CIROZ: variants seen among roughly 807,000 people sequenced by gnomAD.
CIROZ encodes ciliated left-right organizer ZP-N domains-containing protein.
the CIROZ span, chr1:10,947,838 G>A: frequency 6.2e-7 from 1 of 1,602,064 alleles, no homozygotes; most frequent in African/African-American, 1.3e-5. Flanking sequence ...CACTCCTGTG[G>A]GAGCCCACAG....
At chr1:10,954,843 T>G in the CIROZ span, 1 of 837,048 alleles carries the variant, frequency 1.2e-6, no homozygotes, top group Non-Finnish European at 1.8e-6. Context: ...CGCTCCGGCC[T>G]CGGCTTCCCA....
At chr1:10,973,645 G>A in the CIROZ span, among the ~76,000 whole-genome samples, 11 of 152,142 alleles carry the variant, frequency 7.2e-5, no homozygotes, top group East Asian at 1.9e-4. Flanking sequence ...GGCTGGGGTC[G>A]AACACTCTAT....
At chr1:10,955,645 C>A in the CIROZ span, among the ~76,000 whole-genome samples, 1 of 151,946 alleles carries the variant, frequency 6.6e-6, no homozygotes, top group African/African-American at 2.4e-5. Flanking sequence ...GATTTCAAGA[C>A]CAGCCTGGCC....
At chr1:10,973,726 A>T in the CIROZ span, among the ~76,000 whole-genome samples, 1 of 152,024 alleles carries the variant, frequency 6.6e-6, no homozygotes, top group African/African-American at 2.4e-5. Context: ...AACCTCCCAA[A>T]CCGCAGCTGC....
chr1:10,956,215 T>C, the CIROZ span, among the ~76,000 whole-genome samples: 25 of 152,140 alleles, frequency 1.6e-4, no homozygotes, highest in Admixed American at 2.6e-4. Context: ...TCCCTGGAGG[T>C]AGGAAGTGGT....
chr1:10,954,916 T>C, the CIROZ span: 1 of 1,455,248 alleles, frequency 6.9e-7, no homozygotes, highest in Non-Finnish European at 9.3e-7. Flanking sequence ...TCTGACCACA[T>C]ATGGCATCGG....
At chr1:10,949,938 G>T in the CIROZ span, 1 of 826,316 alleles carries the variant, frequency 1.2e-6, no homozygotes, top group East Asian at 2.8e-5. Flanking sequence ...GGGGAGGTCA[G>T]ATGCAAGTCC....
At chr1:10,959,800 C>A in the CIROZ span, among the ~76,000 whole-genome samples, 1 of 152,230 alleles carries the variant, frequency 6.6e-6, no homozygotes, top group Non-Finnish European at 1.5e-5. This position sits in a 1 kb window ranked among gnomAD's most constrained non-coding sequence, Gnocchi z 4.3. Context: ...TGTTCCTTGG[C>A]CCCAGAGAGC....
chr1:10,965,988 C>G, the CIROZ span, among the ~76,000 whole-genome samples: 4 of 152,146 alleles, frequency 2.6e-5, no homozygotes, highest in African/African-American at 9.7e-5. Flanking sequence ...TTACTGAGTA[C>G]CTACTGTGTG....
At chr1:10,955,102 TCCTCAATGTAGGAA>T in the CIROZ span, 2 of 1,614,112 alleles carry the variant, frequency 1.2e-6, no homozygotes, top group Non-Finnish European at 1.7e-6. Context: ...GCTCAGGGTT[TCCTCAATGTAGGAA>T]CCTCTTTTGA....
the CIROZ span, among the ~76,000 whole-genome samples, chr1:10,980,481 AT>A: frequency 8.5e-5 from 13 of 152,222 alleles, no homozygotes; most frequent in African/African-American, 3.1e-4. Flanking sequence ...TAGTTGATTA[AT>A]TTGCAAAACA....
the CIROZ span, among the ~76,000 whole-genome samples, chr1:10,967,791 G>A: frequency 4.6e-5 from 7 of 152,256 alleles, no homozygotes; most frequent in African/African-American, 1.4e-4. Flanking sequence ...GGCCAACATG[G>A]TGAAATCCTG....
the CIROZ span, among the ~76,000 whole-genome samples, chr1:10,971,713 C>T: frequency 1.3e-5 from 2 of 152,196 alleles, no homozygotes; most frequent in South Asian, 2.1e-4. Context: ...TACTTCTACT[C>T]GAGTGAGGAT....
chr1:10,981,536 C>CAGGGAGGGAAGGAAGGA, the CIROZ span, among the ~76,000 whole-genome samples: 2 of 133,752 alleles, frequency 1.5e-5, no homozygotes, highest in African/African-American at 3.7e-5. Context: ...GGAAGGAAGG[C>CAGGGAGGGAAGGAAGGA]AGGGAGGGAA....
At chr1:10,948,431 G>T in the CIROZ span, 1 of 1,613,366 alleles carries the variant, frequency 6.2e-7, no homozygotes, top group Non-Finnish European at 8.5e-7. Context: ...CCACATCCCC[G>T]CTTGACAAGC....
At chr1:10,976,060 A>G in the CIROZ span, 1 of 982,264 alleles carries the variant, frequency 1.0e-6, no homozygotes, top group Non-Finnish European at 1.5e-6. Context: ...CTCGCTTCCA[A>G]AGTTGCCCAG....
the CIROZ span, chr1:10,948,716 A>G: frequency 6.4e-7 from 1 of 1,567,900 alleles, no homozygotes; most frequent in East Asian, 2.3e-5. Context: ...TGGGGTGTCC[A>G]GGGATCCCTG....
the CIROZ span, chr1:10,966,360 C>G: frequency 2.0e-6 from 3 of 1,516,362 alleles, no homozygotes; most frequent in South Asian, 2.5e-5. Context: ...AAACCCACCT[C>G]TTTCTGCACA....
At chr1:10,949,559 G>A in the CIROZ span, 33 of 1,540,636 alleles carry the variant, frequency 2.1e-5, no homozygotes, top group Non-Finnish European at 2.6e-5. Flanking sequence ...TGGGTCTACC[G>A]ATACTTCTTG....
Sources: allele counts gnomAD v4.1 joint callset (sites outside exome capture counted in the v4.1 genomes callset), GRCh38; gene constraint gnomAD v4.1.1; non-coding constraint Gnocchi (gnomAD v3.1); transcripts MANE v1.5; gene names NCBI Gene and HGNC (gene_info 2026-07-23, HGNC 2026-07-21).